The following PKHD1 variants were observed in gnomAD, a reference collection of about 807,000 sequenced individuals.
PKHD1 encodes fibrocystin.
In PKHD1, 291 loss-of-function variants were observed where a neutral mutation model predicts 412.0. The ratio of observed to expected loss-of-function variants is 0.71; its 90% CI spans 0.64 to 0.78. PKHD1 has a LOEUF of 0.78. Ranked by LOEUF, PKHD1 falls within the 30% of genes least tolerant of loss-of-function variation. The pLI, the probability that PKHD1 is intolerant of heterozygous loss-of-function variation, is 0.00. For synonymous variants in PKHD1, 1,777 were observed against 1,821.5 expected, an observed-to-expected ratio of 0.98 and a Z score of 0.62; for missense variants, 4,825 against 4,950.7, an observed-to-expected ratio of 0.97 and a Z score of 0.76.
intron 2 of PKHD1, among the ~76,000 whole-genome samples, chr6:52,083,663 G>A (rs928575701): frequency 6.6e-5 from 10 of 152,024 alleles, no homozygotes; most frequent in Admixed American, 2.0e-4. Context: ...TAATCAGGTG[G>A]CCATATTTCC....
chr6:51,832,410 A>G (rs1410340886), intron 51 of PKHD1, among the ~76,000 whole-genome samples: 1 of 152,108 alleles, frequency 6.6e-6, no homozygotes. Flanking sequence ...GAATGATAAG[A>G]AATTTGGTGT....
intron 35 of PKHD1, among the ~76,000 whole-genome samples, chr6:51,964,523 A>G (rs1792526678): frequency 6.6e-6 from 1 of 152,130 alleles, no homozygotes; most frequent in South Asian, 2.1e-4. Context: ...CTGGTTTATA[A>G]TCAGTCAACC....
intron 60 of PKHD1, among the ~76,000 whole-genome samples, chr6:51,661,914 T>G (rs1028855198): frequency 6.6e-6 from 1 of 151,994 alleles, no homozygotes; most frequent in Non-Finnish European, 1.5e-5. Context: ...TTTCCTATAT[T>G]CTTCCATCCA....
chr6:51,760,714 A>G (rs2151058929), intron 55 of PKHD1, among the ~76,000 whole-genome samples: 1 of 152,248 alleles, frequency 6.6e-6, no homozygotes, highest in Non-Finnish European at 1.5e-5. Flanking sequence ...AAATATATAC[A>G]AAGAACACAT....
intron 30 of PKHD1, 67 bp downstream of exon 30, chr6:52,028,089 T>C (rs1259908236): frequency 2.0e-6 from 3 of 1,486,758 alleles, no homozygotes; most frequent in Non-Finnish European, 2.8e-6. Flanking sequence ...TAACTCAAAA[T>C]TAGAATTACC....
At chr6:51,833,934 C>T (rs76491488) in intron 51 of PKHD1, among the ~76,000 whole-genome samples, 8,193 of 152,204 alleles carry the variant, frequency 0.054, 233 homozygotes, top group South Asian at 0.073. Flanking sequence ...TGGACCAACA[C>T]TCCTGATGAG....
intron 36 of PKHD1, among the ~76,000 whole-genome samples, chr6:51,940,672 G>T (rs1788355773): frequency 6.6e-6 from 1 of 151,616 alleles, no homozygotes; most frequent in Non-Finnish European, 1.5e-5. Context: ...CTGCCCGATT[G>T]CCTCGGAAGC....
chr6:51,960,448 T>C (rs1791840787), intron 35 of PKHD1, among the ~76,000 whole-genome samples: 1 of 152,092 alleles, frequency 6.6e-6, no homozygotes. Flanking sequence ...GGACAAAAAG[T>C]CATAAATAGC....
chr6:52,046,894 TGCC>T (rs751464271), intron 23 of PKHD1, among the ~76,000 whole-genome samples: 7 of 152,238 alleles, frequency 4.6e-5, no homozygotes, highest in Non-Finnish European at 8.8e-5. Context: ...TGCAGAAGCT[TGCC>T]AATGCAGAAA....
intron 55 of PKHD1, among the ~76,000 whole-genome samples, chr6:51,764,358 T>A (rs1258788953): frequency 3.8e-4 from 57 of 148,768 alleles, no homozygotes; most frequent in African/African-American, 1.2e-3. Flanking sequence ...TCAAAACCAC[T>A]ATGAGATACC....
At position 51,859,483 on chromosome 6, in the gene PKHD1, G is replaced by A. The variant is rs531810576; in HGVS notation, c.7734-3413C>T. Among the ~76,000 whole-genome samples the A allele has an allele frequency of 1.0e-4, 14 of 137,564 alleles. No individual in the cohort carries two copies. The South Asian group carries it at 2.5e-3, about 24-fold the overall frequency. The allele number at this position is 137,564 out of a possible 152,430, so 90.2% of individuals were successfully genotyped here. A position where few individuals can be genotyped will look rare whatever the true frequency, so the allele number is the denominator to read the frequency against. On this transcript the variant is annotated intron_variant, in intron 48 of 66. Transcript: ENST00000371117. ...AGAGCCTGTAGTGAGCAGAAATCGC[G>A]CCACTGCACTCCAGCCTGGGCAACA...
chr6:51,736,649 G>A (rs543582320), intron 60 of PKHD1, among the ~76,000 whole-genome samples: 1 of 152,200 alleles, frequency 6.6e-6, no homozygotes, highest in African/African-American at 2.4e-5. Flanking sequence ...TAATTGCTTG[G>A]GAAAAGAGAA....
chr6:51,761,924 C>G lies in PKHD1; in HGVS notation c.8643-6986G>C, dbSNP rs150250984. Among the ~76,000 whole-genome samples, 412 of 152,052 alleles carry G rather than the reference C, an allele frequency of 2.7e-3. 2 individuals are homozygous for G. Among genetic ancestry groups the G allele is most frequent in the African/African-American group, 9.6e-3 (397 of 41,512 alleles). ...CTCAGTAAATGGCAGCGCTCCTTACCTAGTTTCTTAGGTCAAAAATTTAAG... is the reference window on the plus strand; with the variant it reads ...CTCAGTAAATGGCAGCGCTCCTTACGTAGTTTCTTAGGTCAAAAATTTAAG... On this transcript the variant is annotated intron_variant, in intron 55 of 66. Coordinates refer to ENST00000371117, the MANE Select transcript of PKHD1 (RefSeq NM_138694.4).
At chr6:51,670,658 T>C (rs1774778549) in intron 60 of PKHD1, among the ~76,000 whole-genome samples, 1 of 152,152 alleles carries the variant, frequency 6.6e-6, no homozygotes. Flanking sequence ...GTCTTTACAA[T>C]TTGGCATGAT....
intron 50 of PKHD1, among the ~76,000 whole-genome samples, chr6:51,839,405 C>G (rs1454474327): frequency 6.6e-6 from 1 of 150,614 alleles, no homozygotes; most frequent in Non-Finnish European, 1.5e-5. Flanking sequence ...CTCAAAAAGA[C>G]AAAAAAAAAG....
At chr6:51,798,301 C>T (rs1174094288) in intron 52 of PKHD1, among the ~76,000 whole-genome samples, 1 of 151,964 alleles carries the variant, frequency 6.6e-6, no homozygotes. Context: ...ATTGCTTGAA[C>T]CCAGGAGACA....
At chr6:51,856,179 A>ATATGTCTTAGGCCCTCTTTAGTTG in intron 48 of PKHD1, 109 bp from the exon 49 acceptor site, 1 of 782,766 alleles carries the variant, frequency 1.3e-6, no homozygotes, top group Non-Finnish European at 2.3e-6. Context: ...TTCTCTCCAC[A>ATATGTCTTAGGCCCTCTTTAGTTG]TATGTCTTAG....
At chr6:51,780,471 T>C (rs1791810967) in intron 53 of PKHD1, among the ~76,000 whole-genome samples, 1 of 151,698 alleles carries the variant, frequency 6.6e-6, no homozygotes. Context: ...ACAAGATACA[T>C]TCCAAAATAT....
chr6:51,931,751 C>G (rs1282165701), intron 37 of PKHD1, among the ~76,000 whole-genome samples: 4 of 152,072 alleles, frequency 2.6e-5, no homozygotes, highest in Non-Finnish European at 5.9e-5. Context: ...AGTCAATTCT[C>G]TGTCCTAAAT....
Sources: gnomAD v4.1 joint callset for allele counts (sites outside exome capture counted in the v4.1 genomes callset) on GRCh38, gnomAD v4.1.1 for gene constraint, MANE v1.5 for transcripts, NCBI Gene and HGNC (gene_info 2026-07-23, HGNC 2026-07-21) for gene names.